Variants in ENOX1 observed in about 807,000 individuals in gnomAD.
ENOX1 encodes the protein ecto-NOX disulfide-thiol exchanger 1.
A neutral mutation model predicts 82.5 loss-of-function variants in ENOX1; 42 were observed. The ratio of observed to expected loss-of-function variants is 0.51; its 90% CI spans 0.40 to 0.66. ENOX1 has a LOEUF of 0.66. Among genes scored for constraint, ENOX1 ranks in the 30% least tolerant of loss-of-function variants. The pLI is 0.00. For synonymous variants in ENOX1, 271 were observed against 282.2 expected (o/e 0.96, Z 0.40); for missense variants, 608 against 811.6 (o/e 0.75, Z 3.05).
intron 5 of ENOX1, among the ~76,000 whole-genome samples, chr13:43,398,097 A>C (rs1291362310): frequency 2.6e-5 from 4 of 152,214 alleles, no homozygotes; most frequent in Admixed American, 2.6e-4. Flanking sequence ...CAAAGTCCCC[A>C]TGTCCTAATA....
At chr13:43,528,048 A>T (rs2078056004) in intron 2 of ENOX1, among the ~76,000 whole-genome samples, 1 of 152,074 alleles carries the variant, frequency 6.6e-6, no homozygotes, top group Admixed American at 6.6e-5. Flanking sequence ...TTCAGTTCAA[A>T]ATTGAATGTT....
At chr13:43,308,317 T>C (rs771088529) in intron 11 of ENOX1, among the ~76,000 whole-genome samples, 14 of 152,216 alleles carry the variant, frequency 9.2e-5, no homozygotes, top group Non-Finnish European at 2.1e-4. Flanking sequence ...ATTGCCTATG[T>C]CAGTCACTTC....
At chr13:43,755,827 C>A (rs1325226425) in intron 1 of ENOX1, among the ~76,000 whole-genome samples, 1 of 152,170 alleles carries the variant, frequency 6.6e-6, no homozygotes, top group Non-Finnish European at 1.5e-5. Flanking sequence ...ACCAGTAAAG[C>A]ATTAGAGATA....
At chr13:43,768,742 C>T (rs1041945242) in intron 1 of ENOX1, among the ~76,000 whole-genome samples, 1 of 152,170 alleles carries the variant, frequency 6.6e-6, no homozygotes, top group African/African-American at 2.4e-5. Context: ...ACCACTTGGC[C>T]TCTTTCCATG....
chr13:43,259,168 A>G (rs1355535705), intron 14 of ENOX1, among the ~76,000 whole-genome samples: 1 of 152,108 alleles, frequency 6.6e-6, no homozygotes, highest in African/African-American at 2.4e-5. Context: ...AGGTGAACAA[A>G]ATGGAAGTGC....
chr13:43,408,974 G>C (rs897928818), intron 5 of ENOX1, among the ~76,000 whole-genome samples: 1 of 140,084 alleles, frequency 7.1e-6, no homozygotes, highest in African/African-American at 2.7e-5. Context: ...ACATGGAGTA[G>C]ATAAATATTT....
intron 1 of ENOX1, among the ~76,000 whole-genome samples, chr13:43,771,485 AACTT>A (rs1413788003): frequency 1.3e-5 from 2 of 151,870 alleles, no homozygotes; most frequent in African/African-American, 4.9e-5. Context: ...CTACAATTAT[AACTT>A]AATTAATTAA....
chr13:43,234,237 G>T (rs949151474), intron 15 of ENOX1, among the ~76,000 whole-genome samples: 2 of 152,122 alleles, frequency 1.3e-5, no homozygotes, highest in African/African-American at 2.4e-5. Flanking sequence ...CTTTCCCATT[G>T]TGGCATTCTT....
At chr13:43,674,224 T>C (rs763548488) in intron 1 of ENOX1, among the ~76,000 whole-genome samples, 1 of 151,890 alleles carries the variant, frequency 6.6e-6, no homozygotes, top group Non-Finnish European at 1.5e-5. Flanking sequence ...GTACTGGGAG[T>C]ACAAGCCAGG....
chr13:43,689,964 G>A (rs1321847133), intron 1 of ENOX1, among the ~76,000 whole-genome samples: 3 of 152,102 alleles, frequency 2.0e-5, no homozygotes, highest in Non-Finnish European at 4.4e-5. Context: ...AACATTTTAA[G>A]TCCTTCTCCA....
At chr13:43,535,124 T>C (rs571413486) in intron 2 of ENOX1, among the ~76,000 whole-genome samples, 6 of 152,274 alleles carry the variant, frequency 3.9e-5, no homozygotes, top group Non-Finnish European at 5.9e-5. Context: ...ACAATTGTCA[T>C]AGAGATTACA....
intron 14 of ENOX1, among the ~76,000 whole-genome samples, chr13:43,237,203 A>G (rs1346495513): frequency 6.6e-6 from 1 of 152,230 alleles, no homozygotes; most frequent in Non-Finnish European, 1.5e-5. Context: ...TTTTAAATTG[A>G]GTAGGTATGG....
intron 3 of ENOX1, among the ~76,000 whole-genome samples, chr13:43,437,605 A>T (rs2056110433): frequency 6.6e-6 from 1 of 152,208 alleles, no homozygotes; most frequent in South Asian, 2.1e-4. Context: ...ATTTTCACAT[A>T]TTAGAAGTAA....
intron 14 of ENOX1, among the ~76,000 whole-genome samples, chr13:43,244,422 T>C (rs184851780): frequency 2.6e-5 from 4 of 152,326 alleles, no homozygotes; most frequent in Admixed American, 2.0e-4. Context: ...ACTACAATTA[T>C]ATAAAAATAT....
chr13:43,738,084 TATTA>T (rs1159018007), intron 1 of ENOX1, among the ~76,000 whole-genome samples: 1 of 152,248 alleles, frequency 6.6e-6, no homozygotes, highest in East Asian at 1.9e-4. Flanking sequence ...ATGAAAATGT[TATTA>T]ATTAAATGGT....
chr13:43,557,751 T>C (rs1160378498), intron 2 of ENOX1, among the ~76,000 whole-genome samples: 1 of 152,150 alleles, frequency 6.6e-6, no homozygotes, highest in East Asian at 1.9e-4. Flanking sequence ...TGAGCTATGA[T>C]CATGCCACTG....
rs191135355 is a variant in ENOX1 at position 43,686,591 on chromosome 13, G to A, written c.-284-19047C>T. Among the ~76,000 whole-genome samples the A allele has an allele frequency of 1.6e-3, 250 of 152,316 alleles. 1 individual carries two copies. Among genetic ancestry groups the A allele is most frequent in the Non-Finnish European group, 2.8e-3 (189 of 68,030 alleles). On this transcript the variant is annotated intron_variant, in intron 1 of 16. Transcript: ENST00000690772. ...AAGACCAGGGTTTGTTCTTAGCTAA[G>A]TGAGTCTTTGGTTAAAGATTCTCAC...
intron 5 of ENOX1, among the ~76,000 whole-genome samples, chr13:43,406,144 A>T (rs2053780201): frequency 6.6e-6 from 1 of 152,232 alleles, no homozygotes; most frequent in African/African-American, 2.4e-5. Context: ...TGTGAGGATT[A>T]AACAACCCAA....
chr13:43,616,623 T>C (rs185588929), intron 2 of ENOX1, among the ~76,000 whole-genome samples: 5 of 152,282 alleles, frequency 3.3e-5, no homozygotes, highest in African/African-American at 4.8e-5. Context: ...ATAATTCTGC[T>C]CATGTGTAAG....
Sources: gnomAD v4.1 joint callset for allele counts (sites outside exome capture counted in the v4.1 genomes callset) on GRCh38, gnomAD v4.1.1 for gene constraint, MANE v1.5 for transcripts, NCBI Gene and HGNC (gene_info 2026-07-23, HGNC 2026-07-21) for gene names.